The following BTBD10 variants were observed in gnomAD, a reference collection of about 807,000 sequenced individuals.
The protein encoded by BTBD10 is BTB domain containing 10.
Under a neutral mutation model 53.2 loss-of-function variants are expected in BTBD10, and 21 were observed. That is an observed-to-expected ratio of 0.39 (90% CI 0.28 to 0.57). The LOEUF (loss-of-function observed/expected upper bound fraction) is 0.57. BTBD10 is among the 20% of genes least tolerant of loss of function. The pLI is 0.53. For missense variants in BTBD10, 360 were observed against 594.7 expected (o/e 0.61, Z 4.10); for synonymous variants, 149 against 192.7 (o/e 0.77, Z 1.88).
At chr11:13,453,282 A>G (rs1369431381) in intron 1 of BTBD10, among the ~76,000 whole-genome samples, 1 of 152,108 alleles carries the variant, frequency 6.6e-6, no homozygotes, top group Non-Finnish European at 1.5e-5. Context: ...AAAAACAAAA[A>G]AACAGAAAAA....
chr11:13,405,942 G>T, intron 6 of BTBD10, 86 bp from the exon 7 acceptor site: 1 of 1,304,608 alleles, frequency 7.7e-7, no homozygotes, highest in Non-Finnish European at 1.1e-6. Context: ...AACAAGAAAG[G>T]CCAGGCAGCC....
At chr11:13,442,713 G>A (rs1211071343) in intron 2 of BTBD10, among the ~76,000 whole-genome samples, 1 of 152,010 alleles carries the variant, frequency 6.6e-6, no homozygotes, top group Non-Finnish European at 1.5e-5. Context: ...TTCCATGCGT[G>A]GATACTAAAC....
intron 2 of BTBD10, among the ~76,000 whole-genome samples, chr11:13,438,464 G>C (rs563963545): frequency 6.6e-6 from 1 of 151,872 alleles, no homozygotes; most frequent in African/African-American, 2.4e-5. Context: ...AGAAAAATGC[G>C]GATTGGTGAA....
intron 6 of BTBD10, among the ~76,000 whole-genome samples, chr11:13,408,481 G>A (rs995063805): frequency 6.6e-6 from 1 of 152,124 alleles, no homozygotes; most frequent in African/African-American, 2.4e-5. Flanking sequence ...TCCATATACT[G>A]ATGACTCCCA....
intron 1 of BTBD10, among the ~76,000 whole-genome samples, chr11:13,450,804 A>C (rs1035972542): frequency 6.6e-6 from 1 of 152,222 alleles, no homozygotes; most frequent in Non-Finnish European, 1.5e-5. Flanking sequence ...GATCATGCAC[A>C]CCTCCAACAG....
chr11:13,406,711 A>T (rs1411573206), intron 6 of BTBD10, among the ~76,000 whole-genome samples: 1 of 151,900 alleles, frequency 6.6e-6, no homozygotes, highest in African/African-American at 2.4e-5. Context: ...CTCATAACCT[A>T]CAGTCTCCCA....
At chr11:13,427,601 T>G (rs1361983363) in intron 2 of BTBD10, among the ~76,000 whole-genome samples, 2 of 152,162 alleles carry the variant, frequency 1.3e-5, no homozygotes, top group Non-Finnish European at 2.9e-5. Context: ...ATTGATGAGA[T>G]TTGAATAACA....
intron 6 of BTBD10, among the ~76,000 whole-genome samples, chr11:13,412,071 T>C (rs1006234993): frequency 4.6e-5 from 7 of 152,076 alleles, no homozygotes; most frequent in Admixed American, 4.6e-4. Context: ...CCTCAGGTGA[T>C]CCGACCGCCT....
chr11:13,421,565 T>A (rs916636258), intron 3 of BTBD10, 77 bp downstream of exon 3: 15 of 1,313,142 alleles, frequency 1.1e-5, no homozygotes, highest in Non-Finnish European at 1.6e-5. Context: ...TTAGGCACAA[T>A]TCAATGTCAT....
chr11:13,427,633 T>G (rs554412256), intron 2 of BTBD10, among the ~76,000 whole-genome samples: 1 of 152,188 alleles, frequency 6.6e-6, no homozygotes, highest in African/African-American at 2.4e-5. Flanking sequence ...CTTGATCTCA[T>G]TGACATTTAC....
chr11:13,437,184 T>C (rs1029533474), intron 2 of BTBD10, among the ~76,000 whole-genome samples: 1 of 152,212 alleles, frequency 6.6e-6, no homozygotes, highest in African/African-American at 2.4e-5. Flanking sequence ...AACAATACTT[T>C]GGTATTCAGC....
chr11:13,435,043 T>G (rs1380283429), intron 2 of BTBD10, among the ~76,000 whole-genome samples: 3 of 152,198 alleles, frequency 2.0e-5, no homozygotes, highest in African/African-American at 7.2e-5. Context: ...TACACATCTG[T>G]GTATATGTAA....
intron 4 of BTBD10, 116 bp from the exon 5 acceptor site, chr11:13,417,376 T>A: frequency 1.5e-6 from 1 of 680,760 alleles, no homozygotes; most frequent in South Asian, 2.7e-5. Context: ...TTCAAGAATT[T>A]TTATCATTAA....
intron 6 of BTBD10, among the ~76,000 whole-genome samples, chr11:13,410,734 A>G (rs557036989): frequency 2.6e-5 from 4 of 152,392 alleles, no homozygotes; most frequent in South Asian, 2.1e-4. Flanking sequence ...TAAATGTACA[A>G]AATTCAGTAA....
At chr11:13,452,229 T>A (rs922801522) in intron 1 of BTBD10, among the ~76,000 whole-genome samples, 1 of 152,204 alleles carries the variant, frequency 6.6e-6, no homozygotes, top group Non-Finnish European at 1.5e-5. Flanking sequence ...ACATACCATA[T>A]GATTTCATAT....
At chr11:13,412,555 T>C (rs1319705750) in intron 6 of BTBD10, among the ~76,000 whole-genome samples, 1 of 152,242 alleles carries the variant, frequency 6.6e-6, no homozygotes, top group Non-Finnish European at 1.5e-5. Context: ...CTATTGGATC[T>C]ACTGTATTTC....
chr11:13,416,660 T>C (rs1366891046), intron 5 of BTBD10, among the ~76,000 whole-genome samples: 4 of 152,164 alleles, frequency 2.6e-5, no homozygotes, highest in Admixed American at 6.5e-5. Context: ...TTTGCTTATA[T>C]TGTATTATTT....
At chr11:13,411,897 T>C (rs892753891) in intron 6 of BTBD10, among the ~76,000 whole-genome samples, 1 of 151,596 alleles carries the variant, frequency 6.6e-6, no homozygotes, top group African/African-American at 2.4e-5. Flanking sequence ...GATGGCGCAA[T>C]CTCGGCTCAC....
intron 2 of BTBD10, among the ~76,000 whole-genome samples, chr11:13,422,808 T>G (rs1031919077): frequency 3.9e-5 from 6 of 152,206 alleles, no homozygotes; most frequent in African/African-American, 1.4e-4. Flanking sequence ...CAGTCCAGCT[T>G]ACAGAATATT....
Sources: allele counts gnomAD v4.1 joint callset (sites outside exome capture counted in the v4.1 genomes callset), GRCh38; gene constraint gnomAD v4.1.1; transcripts MANE v1.5; gene names NCBI Gene and HGNC (gene_info 2026-07-23, HGNC 2026-07-21).